OSBP: variants seen among roughly 807,000 people sequenced by gnomAD.
OSBP encodes oxysterol-binding protein 1.
In OSBP, 32 loss-of-function variants were observed where a neutral mutation model predicts 96.6. The observed-to-expected ratio is 0.33, with a 90% CI of 0.25 to 0.45. OSBP has a LOEUF of 0.45. Ranked by LOEUF, OSBP falls within the 20% of genes least tolerant of loss-of-function variation. The pLI, the probability that OSBP is intolerant of heterozygous loss-of-function variation, is 1.00. For synonymous variants in OSBP, 369 were observed against 389.6 expected, an observed-to-expected ratio of 0.95 and a Z score of 0.62; for missense variants, 653 against 1,029.7, an observed-to-expected ratio of 0.63 and a Z score of 5.01.
At chr11:59,586,597 C>T (rs1301297898) in intron 9 of OSBP, among the ~76,000 whole-genome samples, 1 of 152,060 alleles carries the variant, frequency 6.6e-6, no homozygotes, top group East Asian at 1.9e-4. Context: ...ACAAAATAGC[C>T]AAAGAACAAA....
rs1442734692 is a variant in OSBP, at chr11:59,594,189, A to G, written c.1378T>C (p.Leu460=). Residue 460 remains leucine (L), a synonymous_variant, in exon 8 of 14, where the codon TTA becomes CTA. Transcript: ENST00000263847. ...TTCTCACATTTTGCAGCTCGGTCTAACAGCTCATGGTATTCCAGATCTTCA... is the reference window on the plus strand; with the variant it reads ...TTCTCACATTTTGCAGCTCGGTCTAGCAGCTCATGGTATTCCAGATCTTCA... The part of the protein sequence containing the change: ...LTEDLEYHEL[L]DRAAKCENSL... The G allele has an allele frequency of 3.1e-6, 5 of 1,614,184 alleles. No homozygotes were observed. Among genetic ancestry groups the G allele is most frequent in the South Asian group, 2.2e-5 (2 of 91,080 alleles).
At chr11:59,611,631 G>C (rs1487207472) in intron 1 of OSBP, among the ~76,000 whole-genome samples, 1 of 152,190 alleles carries the variant, frequency 6.6e-6, no homozygotes, top group African/African-American at 2.4e-5. Context: ...GAATCACCAA[G>C]TGTTTTAATC....
Position 59,610,280 on chromosome 11 carries a change from T to C in OSBP, c.571+101A>G, listed in dbSNP as rs1055966984. The C allele has an allele frequency of 2.0e-5, 20 of 980,610 alleles. No homozygotes were observed. In the East Asian group the frequency reaches 3.1e-4, roughly 15 times the overall value. 60.7% of individuals were successfully genotyped at this position (980,610 alleles called of 1,614,324 possible). ...CGAGAAGCTTGAGACCTCTAGGAAATAGGTGATAATCAAATGACACAGCAT... is the reference window on the plus strand; with the variant it reads ...CGAGAAGCTTGAGACCTCTAGGAAACAGGTGATAATCAAATGACACAGCAT... On this transcript the variant is annotated intron_variant, in intron 2 of 13. Transcript: ENST00000263847.
At chr11:59,608,155 A>G (rs553597952) in intron 3 of OSBP, among the ~76,000 whole-genome samples, 2 of 152,290 alleles carry the variant, frequency 1.3e-5, no homozygotes, top group South Asian at 2.1e-4. Context: ...ACATACATAC[A>G]TAAAATCACG....
intron 3 of OSBP, among the ~76,000 whole-genome samples, chr11:59,603,503 A>G (rs1306392905): frequency 7.4e-5 from 11 of 148,314 alleles, no homozygotes; most frequent in Non-Finnish European, 1.5e-4. Flanking sequence ...AAATTAATGC[A>G]TCCCAAAGTG....
At chr11:59,590,177 T>C (rs765751137) in intron 9 of OSBP, among the ~76,000 whole-genome samples, 1 of 152,226 alleles carries the variant, frequency 6.6e-6, no homozygotes, top group Non-Finnish European at 1.5e-5. Flanking sequence ...TTAGATTTTC[T>C]TCAGTCATGG....
chr11:59,609,719 G>A (rs1565121478), intron 2 of OSBP, among the ~76,000 whole-genome samples: 1 of 152,086 alleles, frequency 6.6e-6, no homozygotes, highest in Non-Finnish European at 1.5e-5. Flanking sequence ...CAATATATCA[G>A]GAGAAAATCG....
In OSBP at chr11:59,600,413, G is replaced by A; in HGVS notation, c.1311+83C>T. ...CCATGCCACAAACTGCCGCACAAGT[G>A]GGTGGGGCTGTCATATCAGCACTCT... On this transcript the variant is annotated intron_variant, in intron 7 of 13. Transcript: ENST00000263847. The A allele has an allele frequency of 2.8e-6, 4 of 1,413,634 alleles. No individual in the cohort carries two copies. The South Asian group carries it at 3.9e-5, about 14-fold the overall frequency. 87.6% of individuals were successfully genotyped at this position (1,413,634 alleles called of 1,614,324 possible).
At chr11:59,583,170 G>A (rs1293402672) in intron 9 of OSBP, among the ~76,000 whole-genome samples, 1 of 151,934 alleles carries the variant, frequency 6.6e-6, no homozygotes, top group African/African-American at 2.4e-5. Flanking sequence ...AAATTAGCTG[G>A]GTGTGGTGGT....
Position 59,578,241 on chromosome 11 carries a change from C to T in OSBP, c.1968G>A (p.Gln656=). 1 of 1,614,158 alleles carries T rather than the reference C, an allele frequency of 6.2e-7. No homozygotes were observed. The highest frequency in any genetic ancestry group is 1.3e-5 in the African/African-American group (1 of 75,028). ...CACCCCCATTTTCCCCAATGACTGGCTGTACTTTGAAACATTCCATTTTCT... is the reference window on the plus strand; with the variant it reads ...CACCCCCATTTTCCCCAATGACTGGTTGTACTTTGAAACATTCCATTTTCT... The part of the protein sequence containing the change: ...WDEKMECFKV[Q]PVIGENGGDA... The change falls in exon 12 of 14, where the codon CAG becomes CAA. Residue 656 remains glutamine (Q), a synonymous_variant. Coordinates refer to ENST00000263847, the MANE Select transcript of OSBP (RefSeq NM_002556.3).
chr11:59,606,753 C>A (rs1455284844), intron 3 of OSBP, among the ~76,000 whole-genome samples: 1 of 152,144 alleles, frequency 6.6e-6, no homozygotes, highest in East Asian at 1.9e-4. Context: ...CCGTTTAGAG[C>A]TGTGATGCTC....
intron 1 of OSBP, 108 bp downstream of exon 1, chr11:59,615,195 G>T: frequency 1.1e-6 from 1 of 907,874 alleles, no homozygotes; most frequent in Non-Finnish European, 1.7e-6. Flanking sequence ...ACGAAAAGGG[G>T]CCTGGGGCAA....
intron 10 of OSBP, among the ~76,000 whole-genome samples, chr11:59,581,069 A>G (rs1013151212): frequency 3.3e-5 from 5 of 152,222 alleles, no homozygotes; most frequent in African/African-American, 9.6e-5. Flanking sequence ...CCAATGATAT[A>G]ATAAATTATT....
chr11:59,582,609 C>G (rs1860434707), intron 9 of OSBP, among the ~76,000 whole-genome samples: 2 of 152,124 alleles, frequency 1.3e-5, no homozygotes, highest in African/African-American at 4.8e-5. Context: ...ATTATCAAAC[C>G]TGAGGTAGTT....
intron 3 of OSBP, among the ~76,000 whole-genome samples, chr11:59,605,465 T>C (rs912839275): frequency 6.6e-6 from 1 of 152,042 alleles, no homozygotes; most frequent in African/African-American, 2.4e-5. Context: ...GGCTACAGAG[T>C]GCAGTGCTAC....
chr11:59,602,202 C>G (rs551417572), intron 3 of OSBP, among the ~76,000 whole-genome samples: 1 of 152,238 alleles, frequency 6.6e-6, no homozygotes, highest in East Asian at 1.9e-4. Context: ...AGAGCACACA[C>G]AGGATAACTG....
rs1322169645 is a variant in OSBP, at chr11:59,615,586, G to C, written c.79C>G (p.Pro27Ala). Residue 27 changes from proline to alanine, a missense_variant, in exon 1 of 14, where the codon CCC becomes GCC. Coordinates refer to ENST00000263847, the MANE Select transcript of OSBP (RefSeq NM_002556.3). The stretch of plus-strand genomic sequence containing the variant: ...CCGCCGCCTCCTCCCACCACTGGGG[G>C]ACCGGCGCCGCCGCCGCCAAGTGCT... The part of the protein sequence containing the change: ...IAALGGGGAG[P>A]PVVGGGGGRG... The C allele has an allele frequency of 3.1e-5, 42 of 1,373,088 alleles. No individual in the cohort carries two copies. Among genetic ancestry groups the C allele is most frequent in the Non-Finnish European group, 4.0e-5 (42 of 1,059,584 alleles). 85.1% of individuals were successfully genotyped at this position (1,373,088 alleles called of 1,614,324 possible).
chr11:59,604,119 T>C (rs1220545260), intron 3 of OSBP, among the ~76,000 whole-genome samples: 1 of 152,220 alleles, frequency 6.6e-6, no homozygotes, highest in Non-Finnish European at 1.5e-5. Flanking sequence ...GTAAGTTATT[T>C]AACCTCTCTG....
At position 59,615,559 on chromosome 11, in the gene OSBP, G is replaced by C. The variant is rs2134714034; in HGVS notation, c.106C>G (p.Arg36Gly). The C allele has an allele frequency of 1.5e-6, 2 of 1,358,504 alleles. No individual in the cohort carries two copies. Among genetic ancestry groups the C allele is most frequent in the Non-Finnish European group, 1.9e-6 (2 of 1,051,176 alleles). 84.2% of individuals were successfully genotyped at this position (1,358,504 alleles called of 1,614,324 possible). Reference sequence around the variant, plus strand: ...CCGGAGCCTGGCCCCGCATCTCCGCGGCCGCCGCCTCCTCCCACCACTGGG... The same window carrying C: ...CCGGAGCCTGGCCCCGCATCTCCGCCGCCGCCGCCTCCTCCCACCACTGGG... ...GPPVVGGGGG[R>G]GDAGPGSGAA... Residue 36 changes from arginine to glycine, a missense_variant, in exon 1 of 14, where the codon CGC becomes GGC. This residue lies in a region of OSBP where 151 missense variants were observed against 146.1 expected (regional missense o/e 1.03). Coordinates refer to ENST00000263847, the MANE Select transcript of OSBP (RefSeq NM_002556.3).
Sources: allele counts gnomAD v4.1 joint callset (sites outside exome capture counted in the v4.1 genomes callset), GRCh38; gene constraint gnomAD v4.1.1; regional missense constraint gnomAD v4.1.1; transcripts MANE v1.5; gene names NCBI Gene and HGNC (gene_info 2026-07-23, HGNC 2026-07-21).